The following MYO16 variants were observed in gnomAD, a reference collection of about 807,000 sequenced individuals.
The protein encoded by MYO16 is myosin XVI.
MYO16 carries 94 observed loss-of-function variants against 205.3 expected under a neutral mutation model. That is an observed-to-expected ratio of 0.46 (90% CI 0.39 to 0.54). The LOEUF (loss-of-function observed/expected upper bound fraction) is 0.54. Ranked by LOEUF, MYO16 falls within the 20% of genes least tolerant of loss-of-function variation. The pLI is 0.00. For synonymous variants in MYO16, 988 were observed against 954.0 expected, an observed-to-expected ratio of 1.04 and a Z score of -0.66; for missense variants, 2,315 against 2,387.5, an observed-to-expected ratio of 0.97 and a Z score of 0.63.
At chr13:108,997,077 G>A (rs1331974632) in intron 21 of MYO16, among the ~76,000 whole-genome samples, 5 of 151,950 alleles carry the variant, frequency 3.3e-5, no homozygotes, top group Non-Finnish European at 7.4e-5. Flanking sequence ...GATCACTTGA[G>A]GCCAGGAGTT....
At chr13:109,190,768 T>G (rs1461902233) in intron 34 of MYO16, among the ~76,000 whole-genome samples, 1 of 152,174 alleles carries the variant, frequency 6.6e-6, no homozygotes, top group Non-Finnish European at 1.5e-5. Flanking sequence ...TGAAAACCAC[T>G]CTGGAACATC....
At chr13:109,036,078 C>T (rs1886706969) in intron 23 of MYO16, among the ~76,000 whole-genome samples, 1 of 152,190 alleles carries the variant, frequency 6.6e-6, no homozygotes, top group African/African-American at 2.4e-5. Flanking sequence ...TCACTCGGTA[C>T]AAGGCACAGC....
intron 1 of MYO16, among the ~76,000 whole-genome samples, chr13:108,637,175 A>C (rs1448278618): frequency 6.6e-6 from 1 of 152,220 alleles, no homozygotes; most frequent in Non-Finnish European, 1.5e-5. Flanking sequence ...ACAGACTTCC[A>C]AGAACATCAT....
At chr13:108,629,538 A>T (rs1879877912), upstream of MYO16, 1 of 313,702 alleles carries the variant, frequency 3.2e-6, no homozygotes, top group East Asian at 5.0e-5. Flanking sequence ...TGTGAACACC[A>T]ATTAGAGCTG....
At chr13:108,621,419 A>G (rs969649771) in intron 1 of MYO16, among the ~76,000 whole-genome samples, 1 of 152,296 alleles carries the variant, frequency 6.6e-6, no homozygotes, top group Non-Finnish European at 1.5e-5. Context: ...AGAAATTTCC[A>G]TTTAATATTT....
intron 23 of MYO16, among the ~76,000 whole-genome samples, chr13:109,020,770 T>C (rs1266860649): frequency 1.3e-5 from 2 of 152,170 alleles, no homozygotes. Flanking sequence ...GATGGCGTGC[T>C]AGAGGGTAAA....
intron 11 of MYO16, among the ~76,000 whole-genome samples, chr13:108,864,706 A>C (rs947302808): frequency 1.3e-5 from 2 of 151,746 alleles, no homozygotes; most frequent in African/African-American, 2.4e-5. Context: ...TTAAAAAAAA[A>C]AATTGTAGAG....
At chr13:108,805,444 C>A (rs115821048) in intron 6 of MYO16, among the ~76,000 whole-genome samples, 2 of 152,032 alleles carry the variant, frequency 1.3e-5, no homozygotes, top group African/African-American at 2.4e-5. Flanking sequence ...ATTGAATAAG[C>A]CTTTTTGACT....
At chr13:108,896,098 CT>C (rs1880400735) in intron 14 of MYO16, among the ~76,000 whole-genome samples, 1 of 152,158 alleles carries the variant, frequency 6.6e-6, no homozygotes, top group African/African-American at 2.4e-5. Context: ...CCTATATTGA[CT>C]GTTAGGGGAA....
the MYO16 span, among the ~76,000 whole-genome samples, chr13:108,524,302 CT>C: frequency 1.0e-5 from 1 of 98,284 alleles, no homozygotes; most frequent in Non-Finnish European, 2.0e-5. Context: ...AAGACTCCGT[CT>C]CCAAAAAAAA....
chr13:108,629,634 C>G lies in MYO16; in HGVS notation c.-211C>G. On this transcript the variant is annotated 5_prime_UTR_variant, in exon 1 of 35. Coordinates refer to ENST00000457511, the MANE Select transcript of MYO16 (RefSeq NM_001198950.3). ...GCACCAGTGGTGCCTCAAGACCCAC[C>G]GGGGAGAGGCTTATCTTAACTCCAG... The G allele has an allele frequency of 2.0e-6, 1 of 512,074 alleles. No individual in the cohort carries two copies. The highest frequency in any genetic ancestry group is 3.5e-6 in the Non-Finnish European group (1 of 283,688). The allele number at this position is 512,074 out of a possible 1,614,324, so 31.7% of individuals were successfully genotyped here.
intron 32 of MYO16, among the ~76,000 whole-genome samples, chr13:109,155,503 G>A (rs1877965874): frequency 6.6e-6 from 1 of 152,092 alleles, no homozygotes; most frequent in Admixed American, 6.6e-5. Context: ...CCTTTCCAAG[G>A]TCTGCAGTGA....
chr13:108,591,332 T>TGTTAAAAAA (rs1274225704), upstream of MYO16, among the ~76,000 whole-genome samples: 1 of 152,242 alleles, frequency 6.6e-6, no homozygotes, highest in Non-Finnish European at 1.5e-5. Context: ...TGGAGTTAGT[T>TGTTAAAAAA]GTTAAAAACA....
At chr13:109,173,764 G>A in intron 33 of MYO16, among the ~76,000 whole-genome samples, 1 of 151,442 alleles carries the variant, frequency 6.6e-6, no homozygotes, top group African/African-American at 2.4e-5. Context: ...GCGTGGTGGT[G>A]GGCGCCTGTA....
intron 10 of MYO16, among the ~76,000 whole-genome samples, chr13:108,853,371 C>G (rs1414262180): frequency 1.3e-5 from 2 of 152,196 alleles, no homozygotes; most frequent in Non-Finnish European, 2.9e-5. Flanking sequence ...GTAGATAATT[C>G]TGACAGCATC....
At chr13:108,593,820 T>C (rs956197236), upstream of MYO16, among the ~76,000 whole-genome samples, 1 of 152,176 alleles carries the variant, frequency 6.6e-6, no homozygotes, top group Non-Finnish European at 1.5e-5. Flanking sequence ...TCCCAAGCCC[T>C]GTTAGCATGT....
chr13:108,675,747 G>A (rs567138903), intron 2 of MYO16, among the ~76,000 whole-genome samples: 1 of 152,252 alleles, frequency 6.6e-6, no homozygotes, highest in African/African-American at 2.4e-5. Flanking sequence ...TGAGAGCAGC[G>A]ATGGAGCCGG....
chr13:108,915,390 A>C (rs1337978226), intron 16 of MYO16, among the ~76,000 whole-genome samples: 2 of 152,212 alleles, frequency 1.3e-5, no homozygotes, highest in Non-Finnish European at 2.9e-5. Context: ...AAGAAATTAA[A>C]ATAAAAACAG....
At chr13:108,794,081 A>G (rs1886707276) in intron 6 of MYO16, among the ~76,000 whole-genome samples, 1 of 152,188 alleles carries the variant, frequency 6.6e-6, no homozygotes, top group Non-Finnish European at 1.5e-5. Context: ...TAAGAACAGA[A>G]AACCAAATAT....
Sources: gnomAD v4.1 joint callset for allele counts (sites outside exome capture counted in the v4.1 genomes callset) on GRCh38, gnomAD v4.1.1 for gene constraint, MANE v1.5 for transcripts, NCBI Gene and HGNC (gene_info 2026-07-23, HGNC 2026-07-21) for gene names.